The following ALPG variants were observed in gnomAD, a reference collection of about 807,000 sequenced individuals.
ALPG encodes the protein alkaline phosphatase, germ cell type.
Under a neutral mutation model 48.6 loss-of-function variants are expected in ALPG, and 32 were observed. That is an observed-to-expected ratio of 0.66 (90% confidence interval 0.50 to 0.88). The LOEUF (loss-of-function observed/expected upper bound fraction) is 0.88. Ranked by LOEUF, ALPG falls within the 40% of genes least tolerant of loss-of-function variation. ALPG has a pLI of 0.00. For missense variants in ALPG, 533 were observed against 718.1 expected (o/e 0.74, Z 2.95); for synonymous variants, 244 against 308.9 (o/e 0.79, Z 2.20).
chr2:232,409,752 C>T lies in ALPG; in HGVS notation c.1479C>T (p.Cys493=), dbSNP rs753801165. 14 of 1,608,466 alleles carry T rather than the reference C, an allele frequency of 8.7e-6. No homozygotes were observed. Among genetic ancestry groups the T allele is most frequent in the Middle Eastern group, 3.6e-4 (2 of 5,576 alleles). ...CCTGCCTGGAGCCCTACACCGCCTG[C>T]GACCTGGCGCCCCGCGCCGGCACCA... The part of the protein sequence containing the change: ...FAACLEPYTA[C]DLAPRAGTTD... Residue 493 remains cysteine, a synonymous_variant, in exon 11 of 11, where the codon TGC becomes TGT. Coordinates refer to ENST00000295453, the MANE Select transcript of ALPG (RefSeq NM_031313.3).
At position 232,409,232 on chromosome 2, in the gene ALPG, G is replaced by A. The variant is rs1261320501; in HGVS notation, c.1184-100G>A. ...GCACCAGCCCTGTAGGGTCTCCTGC[G>A]GACTAAGCCCCTGACCAGGCAAAAC... On this transcript the variant is annotated intron_variant, in intron 9 of 10. Transcript: ENST00000295453. The A allele has an allele frequency of 5.0e-6, 8 of 1,602,630 alleles. No homozygotes were observed. In the South Asian group the frequency reaches 6.7e-5, roughly 13 times the overall value.
chr2:232,409,893 C>T lies in ALPG; in HGVS notation c.*21C>T. On this transcript the variant is annotated 3_prime_UTR_variant, in exon 11 of 11. Transcript: ENST00000295453. ...CCTGAGTGTCCCGTCCCTGGGGCTC[C>T]TGCTTCCCCATCCCGGAGTTCCCCT... is the stretch of plus-strand genomic sequence containing the variant. 5 of 1,529,348 alleles carry T rather than the reference C, an allele frequency of 3.3e-6. No individual in the cohort carries two copies. Among genetic ancestry groups the T allele is most frequent in the Non-Finnish European group, 4.4e-6 (5 of 1,144,084 alleles). The allele number at this position is 1,529,348 out of a possible 1,614,324, so 94.7% of individuals were successfully genotyped here. A position where few individuals can be genotyped will look rare whatever the true frequency, so the allele number is the denominator to read the frequency against.
intron 1 of ALPG, 35 bp downstream of exon 1, chr2:232,406,996 AC>A: frequency 6.2e-7 from 1 of 1,609,794 alleles, no homozygotes; most frequent in Admixed American, 1.7e-5. Context: ...CTACACACAC[AC>A]ACACACACAG....
chr2:232,410,086 C>T lies in ALPG; in HGVS notation c.*214C>T. ...CTTGCTCTTGAAATTTTGGCCCCAACTCCAGGGACTGGGGATTTGTGCCTG... is the reference window on the plus strand; with the variant it reads ...CTTGCTCTTGAAATTTTGGCCCCAATTCCAGGGACTGGGGATTTGTGCCTG... On this transcript the variant is annotated 3_prime_UTR_variant, in exon 11 of 11. Transcript: ENST00000295453. The T allele has an allele frequency of 1.3e-6, 1 of 745,122 alleles. No individual in the cohort carries two copies. Among genetic ancestry groups the T allele is most frequent in the Non-Finnish European group, 2.1e-6 (1 of 475,024 alleles). 46.2% of individuals were successfully genotyped at this position (745,122 alleles called of 1,614,324 possible).
Position 232,409,383 on chromosome 2 carries a change from A to G in ALPG, c.1235A>G (p.Tyr412Cys), listed in dbSNP as rs1167106325. The G allele has an allele frequency of 4.4e-6, 7 of 1,586,960 alleles. No homozygotes were observed. The East Asian group carries it at 1.6e-4, about 36-fold the overall frequency. ...RDRKAYTVLL[Y>C]GNGPGYVLKD... ...AGGAAGGCCTACACGGTCCTCCTATACGGAAACGGTCCAGGCTATGTGCTC... is the reference window on the plus strand; with the variant it reads ...AGGAAGGCCTACACGGTCCTCCTATGCGGAAACGGTCCAGGCTATGTGCTC... Residue 412 changes from tyrosine (Y) to cysteine (C), a missense_variant, in exon 10 of 11, where the codon TAC becomes TGC. By Grantham distance (194) the Tyr-to-Cys change is radical (BLOSUM62 -2). Around this residue, in one of 6 missense-constraint regions of ALPG, gnomAD observed 11 missense variants for 29.7 expected, o/e 0.37. Coordinates refer to ENST00000295453, the MANE Select transcript of ALPG (RefSeq NM_031313.3).
chr2:232,409,458 G>A lies in ALPG; in HGVS notation c.1300+10G>A, dbSNP rs536903121. ...ACGGAGAGCGAGAGCGGTGAGTGCCGTGGGGTGGCCCCCTGAGGGGGACCA... is the reference window on the plus strand; with the variant it reads ...ACGGAGAGCGAGAGCGGTGAGTGCCATGGGGTGGCCCCCTGAGGGGGACCA... On this transcript the variant is annotated intron_variant, in intron 10 of 10. Coordinates refer to ENST00000295453, the MANE Select transcript of ALPG (RefSeq NM_031313.3). The A allele has an allele frequency of 3.2e-4, 482 of 1,524,056 alleles. 4 individuals are homozygous for A. The African/African-American group carries it at 4.9e-3, about 15-fold the overall frequency. The allele number at this position is 1,524,056 out of a possible 1,614,324, so 94.4% of individuals were successfully genotyped here.
chr2:232,409,243 C>G, intron 9 of ALPG, 89 bp from the exon 10 acceptor site: 1 of 1,599,224 alleles, frequency 6.3e-7, no homozygotes, highest in Non-Finnish European at 8.5e-7. Flanking sequence ...GACTAAGCCC[C>G]TGACCAGGCA....
chr2:232,408,419 G>C lies in ALPG; in HGVS notation c.783+18G>C. 1 of 1,471,348 alleles carries C rather than the reference G, an allele frequency of 6.8e-7. No individual in the cohort carries two copies. Among genetic ancestry groups the C allele is most frequent in the South Asian group, 1.2e-5 (1 of 85,228 alleles). 91.1% of individuals were successfully genotyped at this position (1,471,348 alleles called of 1,614,324 possible). On this transcript the variant is annotated intron_variant, in intron 6 of 10. Coordinates refer to ENST00000295453, the MANE Select transcript of ALPG (RefSeq NM_031313.3). ...AGCACCAGGTGATGGGGGCTGGTGGGTGTGCTGGGCACAGCAGGGGGAGGG... is the reference window on the plus strand; with the variant it reads ...AGCACCAGGTGATGGGGGCTGGTGGCTGTGCTGGGCACAGCAGGGGGAGGG...
In ALPG at chr2:232,407,984, C is replaced by T. The variant is rs375289027; in HGVS notation, c.615C>T (p.Ile205=). Residue 205 remains isoleucine (I), a synonymous_variant, in exon 5 of 11, where the codon ATC becomes ATT. Transcript: ENST00000295453. ...CCCGCCAGGAGGGGTGCCAGGACATCGCCACGCAGCTCATCTCCAACATGG... is the reference window on the plus strand; with the variant it reads ...CCCGCCAGGAGGGGTGCCAGGACATTGCCACGCAGCTCATCTCCAACATGG... ...ASARQEGCQD[I]ATQLISNMDI... 1.4e-4 allele frequency: 218 copies of T among 1,612,626 alleles called. No homozygotes were observed. Among genetic ancestry groups the T allele is most frequent in the Non-Finnish European group, 1.7e-4 (202 of 1,179,748 alleles).
In ALPG at chr2:232,409,674, G is replaced by A. The variant is rs150121899; in HGVS notation, c.1401G>A (p.Leu467=). Residue 467 remains leucine, a synonymous_variant, in exon 11 of 11, where the codon CTG becomes CTA. Transcript: ENST00000295453. ...TCGCGCGCGGCCCGCAGGCGCACCT[G>A]GTTCACGGCGTGCAGGAGCAGACCT... ...AVFARGPQAH[L]VHGVQEQTFI... 703 of 1,611,580 alleles carry A rather than the reference G, an allele frequency of 4.4e-4. 3 individuals carry two copies. The African/African-American group carries it at 8.6e-3, about 20-fold the overall frequency.
chr2:232,408,617 G>A (rs1382742252), intron 7 of ALPG, 44 bp downstream of exon 7: 1 of 1,520,926 alleles, frequency 6.6e-7, no homozygotes, highest in South Asian at 1.1e-5. Flanking sequence ...GATGGCCTCA[G>A]ATGGCACCTT....
In ALPG at chr2:232,409,693, C is replaced by T; in HGVS notation, c.1420C>T (p.Gln474Ter). Reference protein sequence around the residue: ...QAHLVHGVQEQTFIAHVMAFA... With the variant: ...QAHLVHGVQE ...GCACCTGGTTCACGGCGTGCAGGAG[C>T]AGACCTTCATAGCGCACGTCATGGC... The change falls in exon 11 of 11, where the codon CAG becomes TAG. Residue 474 changes from glutamine to a stop codon, truncating the protein, a stop_gained. Transcript: ENST00000295453. LOFTEE classifies it low-confidence loss of function (END_TRUNC). 2 of 1,611,548 alleles carry T rather than the reference C, an allele frequency of 1.2e-6. No homozygotes were observed. Among genetic ancestry groups the T allele is most frequent in the African/African-American group, 2.7e-5 (2 of 74,994 alleles).
Position 232,408,048 on chromosome 2 carries a change from G to A in ALPG, c.648+31G>A. The A allele has an allele frequency of 2.5e-6, 4 of 1,593,598 alleles. No individual in the cohort carries two copies. The East Asian group carries it at 6.7e-5, about 27-fold the overall frequency. ...ACCCCCGGGCCAAGGGCTGGGGCTGGGCAGAGAGTAGCAGGGAGGGGGCAC... is the reference window on the plus strand; with the variant it reads ...ACCCCCGGGCCAAGGGCTGGGGCTGAGCAGAGAGTAGCAGGGAGGGGGCAC... On this transcript the variant is annotated intron_variant, in intron 5 of 10. Coordinates refer to ENST00000295453, the MANE Select transcript of ALPG (RefSeq NM_031313.3).
In ALPG at chr2:232,409,633, G is replaced by A. The variant is rs1409415961; in HGVS notation, c.1360G>A (p.Glu454Lys). 2.5e-6 allele frequency: 4 copies of A among 1,612,518 alleles called. No individual in the cohort carries two copies. The highest frequency in any genetic ancestry group is 2.2e-5 in the South Asian group (2 of 90,932). Residue 454 changes from glutamate to lysine, a missense_variant, in exon 11 of 11, where the codon GAG becomes AAG. This residue lies in a region of ALPG where 145 missense variants were observed against 174.3 expected (regional missense o/e 0.83). Coordinates refer to ENST00000295453, the MANE Select transcript of ALPG (RefSeq NM_031313.3). ...VPLDGETHAGEDVAVFARGPQ... is the reference protein window; with the variant it reads ...VPLDGETHAGKDVAVFARGPQ... The stretch of plus-strand genomic sequence containing the variant: ...CCTGGACGGAGAGACCCACGCAGGC[G>A]AGGACGTGGCGGTGTTCGCGCGCGG...
chr2:232,410,517 A>C lies in ALPG; in HGVS notation c.*645A>C, dbSNP rs1413865198. On this transcript the variant is annotated 3_prime_UTR_variant, in exon 11 of 11. Coordinates refer to ENST00000295453, the MANE Select transcript of ALPG (RefSeq NM_031313.3). The stretch of plus-strand genomic sequence containing the variant: ...TTCGACGCCCCCTAAGGTCCATTCC[A>C]GCACCCACCTGAGTTCCGAGGAGCA... 6.5e-6 allele frequency: 1 copy of C among 153,332 alleles called. No homozygotes were observed. Among genetic ancestry groups the C allele is most frequent in the Non-Finnish European group, 1.4e-5 (1 of 68,966 alleles). The allele number at this position is 153,332 out of a possible 1,614,324, so 9.5% of individuals were successfully genotyped here. A position where few individuals can be genotyped will look rare whatever the true frequency, so the allele number is the denominator to read the frequency against.
rs777630892 is a variant in ALPG at position 232,407,641 on chromosome 2, G to C, written c.348G>C (p.Thr116=). 3 of 1,613,924 alleles carry C rather than the reference G, an allele frequency of 1.9e-6. No homozygotes were observed. The highest frequency in any genetic ancestry group is 2.5e-6 in the Non-Finnish European group (3 of 1,180,020). Reference sequence around the variant, plus strand: ...TGCCAGACAGTGGAGCCACAGCCACGGCCTACCTGTGCGGGGTCAAGGGCA... The same window carrying C: ...TGCCAGACAGTGGAGCCACAGCCACCGCCTACCTGTGCGGGGTCAAGGGCA... The part of the protein sequence containing the change: ...KHVPDSGATA[T]AYLCGVKGNF... The change falls in exon 4 of 11, where the codon ACG becomes ACC. Residue 116 remains threonine, a synonymous_variant. Transcript: ENST00000295453.
At chr2:232,407,790 G>C in intron 4 of ALPG, 22 bp downstream of exon 4, 1 of 1,613,790 alleles carries the variant, frequency 6.2e-7, no homozygotes, top group East Asian at 2.2e-5. Flanking sequence ...CCCGCTGTGG[G>C]GTCAGGGCCA....
At position 232,410,534 on chromosome 2, in the gene ALPG, C is replaced by T. The variant is rs921330413; in HGVS notation, c.*662C>T. 6 of 152,732 alleles carry T rather than the reference C, an allele frequency of 3.9e-5. No homozygotes were observed. The highest frequency in any genetic ancestry group is 5.8e-5 in the Non-Finnish European group (4 of 68,490). 9.5% of individuals were successfully genotyped at this position (152,732 alleles called of 1,614,324 possible). A position where few individuals can be genotyped will look rare whatever the true frequency, so the allele number is the denominator to read the frequency against. On this transcript the variant is annotated 3_prime_UTR_variant, in exon 11 of 11. Transcript: ENST00000295453. The stretch of plus-strand genomic sequence containing the variant: ...TCCATTCCAGCACCCACCTGAGTTC[C>T]GAGGAGCACCTGGGAAGCTCTGGGT...
rs1471627418 is a variant in ALPG at position 232,409,813 on chromosome 2, G to A, written c.1540G>A (p.Ala514Thr). The A allele has an allele frequency of 6.3e-7, 1 of 1,592,928 alleles. No homozygotes were observed. Among genetic ancestry groups the A allele is most frequent in the East Asian group, 2.3e-5 (1 of 44,386 alleles). Residue 514 changes from alanine (A) to threonine (T), a missense_variant, in exon 11 of 11, where the codon GCG becomes ACG. Transcript: ENST00000295453. ...GCACCCGGGGCCGTCCGTGGTCCCC[G>A]CGTTGCTTCCTCTGCTGGCAGGGAC... ...AAHPGPSVVP[A>T]LLPLLAGTLL...
Sources: gnomAD v4.1 joint callset for allele counts on GRCh38, gnomAD v4.1.1 for gene constraint, gnomAD v4.1.1 regional missense constraint, MANE v1.5 for transcripts, NCBI Gene and HGNC (gene_info 2026-07-23, HGNC 2026-07-21) for gene names.